Variants in IL22RA1 observed in about 807,000 individuals in gnomAD.
The protein encoded by IL22RA1 is interleukin 22 receptor subunit alpha 1, also known as interleukin-22 receptor subunit alpha-1.
Under a neutral mutation model 32.8 loss-of-function variants are expected in IL22RA1, and 25 were observed. The observed-to-expected ratio is 0.76, with a 90% confidence interval of 0.55 to 1.06. The LOEUF (loss-of-function observed/expected upper bound fraction) is 1.06. IL22RA1 is among the 50% of genes least tolerant of loss of function. IL22RA1 has a pLI of 0.00. For missense variants in IL22RA1, 709 were observed against 727.4 expected (o/e 0.97, Z 0.29); for synonymous variants, 305 against 305.0 (o/e 1.00, Z 0.00).
intron 1 of IL22RA1, among the ~76,000 whole-genome samples, chr1:24,139,035 T>C (rs1316912473): frequency 6.6e-6 from 1 of 152,260 alleles, no homozygotes; most frequent in Non-Finnish European, 1.5e-5. Flanking sequence ...TTCACAACGT[T>C]GTGCAATCAT....
At chr1:24,139,294 A>G (rs886923785) in intron 1 of IL22RA1, among the ~76,000 whole-genome samples, 4 of 152,208 alleles carry the variant, frequency 2.6e-5, no homozygotes, top group African/African-American at 4.8e-5. Flanking sequence ...TTAGGGCTGA[A>G]TAATATTCCA....
At position 24,121,347 on chromosome 1, in the gene IL22RA1, T is replaced by G. The variant is rs1644119335; in HGVS notation, c.1183A>C (p.Thr395Pro). The G allele has an allele frequency of 1.9e-6, 3 of 1,596,900 alleles. No homozygotes were observed. Among genetic ancestry groups the G allele is most frequent in the Non-Finnish European group, 2.6e-6 (3 of 1,169,506 alleles). Residue 395 changes from threonine (T) to proline (P), a missense_variant, in exon 7 of 7, where the codon ACT becomes CCT. Physicochemically the swap from Thr to Pro is conservative, Grantham distance 38. Transcript: ENST00000270800. The stretch of plus-strand genomic sequence containing the variant: ...TAGGAGGGAGGCCAGCTGTCCGGAG[T>G]GGCTTGAGGGGCATAGGAGGAAGGC... Reference protein sequence around the residue: ...VQPSSYAPQATPDSWPPSYGV... With the variant: ...VQPSSYAPQAPPDSWPPSYGV...
At chr1:24,140,679 A>G (rs1443767485) in intron 1 of IL22RA1, among the ~76,000 whole-genome samples, 1 of 152,202 alleles carries the variant, frequency 6.6e-6, no homozygotes, top group Non-Finnish European at 1.5e-5. Context: ...TCCTTAACTT[A>G]TAAAACCCTT....
intron 2 of IL22RA1, among the ~76,000 whole-genome samples, chr1:24,138,171 C>A (rs1257936246): frequency 6.6e-6 from 1 of 152,110 alleles, no homozygotes; most frequent in Non-Finnish European, 1.5e-5. Flanking sequence ...TTCGGTTGAC[C>A]TAGTCTCACT....
intron 4 of IL22RA1, among the ~76,000 whole-genome samples, chr1:24,132,210 C>T (rs751639104): frequency 5.3e-5 from 8 of 152,134 alleles, no homozygotes; most frequent in Non-Finnish European, 8.8e-5. Flanking sequence ...ATTCAGATCC[C>T]AGGGATGCAA....
intron 1 of IL22RA1, among the ~76,000 whole-genome samples, chr1:24,140,779 C>T (rs1644275887): frequency 6.6e-6 from 1 of 152,246 alleles, no homozygotes; most frequent in Admixed American, 6.5e-5. Flanking sequence ...GCTCGGAGGC[C>T]CTGGCCGGCT....
At chr1:24,131,526 C>T (rs1644204493) in intron 4 of IL22RA1, among the ~76,000 whole-genome samples, 2 of 152,094 alleles carry the variant, frequency 1.3e-5, no homozygotes, top group Admixed American at 1.3e-4. Flanking sequence ...TAAAAAGGAA[C>T]AATTCCTATG....
rs780847323 is a variant in IL22RA1, at chr1:24,138,605, C to T, written c.153G>A (p.Thr51=). 1.2e-5 allele frequency: 20 copies of T among 1,614,080 alleles called. No homozygotes were observed. Among genetic ancestry groups the T allele is most frequent in the East Asian group, 6.7e-5 (3 of 44,858 alleles). Residue 51 remains threonine (T), a synonymous_variant, in exon 2 of 7, where the codon ACG becomes ACA. Transcript: ENST00000270800. ...WDSGPEGTPD[T]VYSIEYKTYG... ...ACGTCTTATACTCGATGCTGTAGAC[C>T]GTGTCTGGGGTGCCCTCCGGCCCGC...
chr1:24,137,099 C>A (rs749783128), intron 3 of IL22RA1, 32 bp downstream of exon 3: 2 of 1,592,690 alleles, frequency 1.3e-6, no homozygotes, highest in African/African-American at 1.3e-5. Flanking sequence ...TTCCTCTTCC[C>A]TCCCCTGAAA....
At position 24,120,595 on chromosome 1, in the gene IL22RA1, C is replaced by T. The variant is rs1185000501; in HGVS notation, c.*210G>A. On this transcript the variant is annotated 3_prime_UTR_variant, in exon 7 of 7. Coordinates refer to ENST00000270800, the MANE Select transcript of IL22RA1 (RefSeq NM_021258.4). Reference sequence around the variant, plus strand: ...TCTACACAAGCTGCTCCCCAGAGCTCCCCCGCTGCAGTCCTTATCATGCTG... The same window carrying T: ...TCTACACAAGCTGCTCCCCAGAGCTTCCCCGCTGCAGTCCTTATCATGCTG... The T allele has an allele frequency of 1.1e-5, 6 of 537,214 alleles. No homozygotes were observed. The East Asian group carries it at 1.8e-4, about 16-fold the overall frequency. 33.3% of individuals were successfully genotyped at this position (537,214 alleles called of 1,614,324 possible).
intron 2 of IL22RA1, 21 bp downstream of exon 2, chr1:24,138,561 G>A: frequency 6.2e-7 from 1 of 1,613,856 alleles, no homozygotes; most frequent in Non-Finnish European, 8.5e-7. Context: ...CAAAGGAGGT[G>A]GGGTCAAGAG....
chr1:24,130,468 A>G (rs562457644), intron 4 of IL22RA1, among the ~76,000 whole-genome samples: 1 of 152,346 alleles, frequency 6.6e-6, no homozygotes, highest in African/African-American at 2.4e-5. Context: ...TTAACCAACA[A>G]AAAAAGAAGA....
chr1:24,128,971 GC>G (rs1419228850), intron 4 of IL22RA1, among the ~76,000 whole-genome samples: 3 of 152,182 alleles, frequency 2.0e-5, no homozygotes, highest in Middle Eastern at 3.2e-3. Context: ...ACCTGGCTCT[GC>G]AGGCTCATCA....
intron 5 of IL22RA1, among the ~76,000 whole-genome samples, chr1:24,126,732 A>C (rs1644164058): frequency 6.6e-6 from 1 of 152,200 alleles, no homozygotes; most frequent in Non-Finnish European, 1.5e-5. Context: ...CGTCACCTTC[A>C]TCCTCTAAAC....
chr1:24,123,673 T>C (rs2148569957), intron 5 of IL22RA1: 3 of 781,272 alleles, frequency 3.8e-6, no homozygotes, highest in Non-Finnish European at 5.4e-6. Context: ...AACAAAAAGA[T>C]TTTTTACAAC....
intron 4 of IL22RA1, 104 bp downstream of exon 4, chr1:24,134,107 A>G: frequency 1.1e-6 from 1 of 939,934 alleles, no homozygotes; most frequent in Non-Finnish European, 1.5e-6. Flanking sequence ...GGGAAATGCT[A>G]ATTTACATAA....
At chr1:24,128,510 CTA>C (rs965971225) in intron 4 of IL22RA1, among the ~76,000 whole-genome samples, 12 of 143,392 alleles carry the variant, frequency 8.4e-5, no homozygotes, top group African/African-American at 2.8e-4. Flanking sequence ...GTTATACACA[CTA>C]TATAATGTGG....
chr1:24,129,622 G>T (rs902807898), intron 4 of IL22RA1, among the ~76,000 whole-genome samples: 1 of 152,056 alleles, frequency 6.6e-6, no homozygotes, highest in Non-Finnish European at 1.5e-5. Flanking sequence ...CCTTTAAAGG[G>T]CCAGAACCTG....
At chr1:24,139,176 T>C (rs1351204451) in intron 1 of IL22RA1, among the ~76,000 whole-genome samples, 1 of 152,256 alleles carries the variant, frequency 6.6e-6, no homozygotes, top group Admixed American at 6.5e-5. Context: ...TGTCTGTGAA[T>C]GTCCCTACTC....
Sources: gnomAD v4.1 joint callset for allele counts (sites outside exome capture counted in the v4.1 genomes callset) on GRCh38, gnomAD v4.1.1 for gene constraint, MANE v1.5 for transcripts, NCBI Gene and HGNC (gene_info 2026-07-23, HGNC 2026-07-21) for gene names.